Variants in GLRA2 observed in about 807,000 individuals in gnomAD.
GLRA2 encodes the protein glycine receptor alpha 2.
A neutral mutation model predicts 31.6 loss-of-function variants in GLRA2; 11 were observed. The observed-to-expected ratio is 0.35, with a 90% confidence interval of 0.22 to 0.58. The LOEUF is 0.58. GLRA2 is among the 20% of genes least tolerant of loss of function. GLRA2 has a pLI of 0.84. For missense variants in GLRA2, 212 were observed against 351.8 expected (o/e 0.60, Z 3.18); for synonymous variants, 132 against 134.0 (o/e 0.99, Z 0.10).
chrX:14,687,561 G>C (rs1025746963), intron 7 of GLRA2, among the ~76,000 whole-genome samples: 1 of 111,366 alleles, frequency 9.0e-6, no homozygotes, highest in African/African-American at 3.3e-5. Context: ...ATTTGATCTT[G>C]AATCACTGAT....
chrX:14,514,890 T>C, the GLRA2 span, among the ~76,000 whole-genome samples: 3 of 110,983 alleles, frequency 2.7e-5, no homozygotes, highest in Non-Finnish European at 5.7e-5. Flanking sequence ...TAAAATCTCA[T>C]TTTTTGCCTT....
Position 14,642,166 on chromosome X carries a change from A to G in GLRA2, c.930+32961A>G, listed in dbSNP as rs1459236028. Among the ~76,000 whole-genome samples the G allele has an allele frequency of 4.5e-5, 5 of 111,977 alleles. No individual in the cohort carries two copies. In the East Asian group the frequency reaches 1.4e-3, roughly 31 times the overall value. On this transcript the variant is annotated intron_variant, in intron 7 of 8. Coordinates refer to ENST00000218075, the MANE Select transcript of GLRA2 (RefSeq NM_002063.4). ...CCAGAGAAAGCAAGTCAAATGTGAC[A>G]GGAGAGGAAATTGCCTAAATAAGAG... is the stretch of plus-strand genomic sequence containing the variant.
At chrX:14,695,234 A>G (rs896964558) in intron 8 of GLRA2, among the ~76,000 whole-genome samples, 3 of 111,649 alleles carry the variant, frequency 2.7e-5, no homozygotes, top group African/African-American at 9.7e-5. Flanking sequence ...CAGAAAAAGG[A>G]ACAAAGGAAA....
chrX:14,504,998 C>A, the GLRA2 span, among the ~76,000 whole-genome samples: 4 of 111,831 alleles, frequency 3.6e-5, no homozygotes, highest in African/African-American at 1.3e-4. Context: ...GCAGTTACTT[C>A]AATTCACATG....
At chrX:14,711,967 C>T (rs1044365386) in intron 8 of GLRA2, among the ~76,000 whole-genome samples, 14 of 112,620 alleles carry the variant, frequency 1.2e-4, no homozygotes, top group Admixed American at 1.2e-3. Context: ...AAATCTTCCG[C>T]GATTAAGATG....
chrX:14,603,451 A>T (rs760450380), intron 4 of GLRA2, among the ~76,000 whole-genome samples: 2 of 111,571 alleles, frequency 1.8e-5, no homozygotes, highest in African/African-American at 3.3e-5. Context: ...AGGACACCCT[A>T]TTCAACAAAT....
chrX:14,512,771 A>C, the GLRA2 span, among the ~76,000 whole-genome samples: 2 of 111,942 alleles, frequency 1.8e-5, no homozygotes, highest in Non-Finnish European at 3.8e-5. Context: ...TAGATGACAC[A>C]AACAAATGGA....
chrX:14,594,281 C>G (rs2090177054), intron 4 of GLRA2, among the ~76,000 whole-genome samples: 1 of 111,049 alleles, frequency 9.0e-6, no homozygotes, highest in Non-Finnish European at 1.9e-5. Flanking sequence ...GTAAAATGAA[C>G]TCAAAACATT....
At chrX:14,704,639 C>A (rs932871906) in intron 8 of GLRA2, among the ~76,000 whole-genome samples, 1 of 111,610 alleles carries the variant, frequency 9.0e-6, no homozygotes, top group Non-Finnish European at 1.9e-5. Context: ...CAGCATCAGA[C>A]GCGAGTATAA....
the GLRA2 span, among the ~76,000 whole-genome samples, chrX:14,449,492 C>T: frequency 8.9e-6 from 1 of 112,616 alleles, no homozygotes; most frequent in Non-Finnish European, 1.9e-5. Context: ...CCAAGGCTCT[C>T]CATCTTGCTC....
the GLRA2 span, among the ~76,000 whole-genome samples, chrX:14,487,387 T>C: frequency 3.6e-5 from 1 of 27,946 alleles, no homozygotes; most frequent in East Asian, 1.1e-3. Context: ...TGGTTTTCTG[T>C]AAAAAAAAAA....
intron 3 of GLRA2, among the ~76,000 whole-genome samples, chrX:14,577,918 T>G (rs891565699): frequency 8.9e-6 from 1 of 112,026 alleles, no homozygotes; most frequent in Non-Finnish European, 1.9e-5. Flanking sequence ...TCAAAAAAAT[T>G]AAACAGAAAC....
Position 14,673,806 on chromosome X carries a change from T to A in GLRA2, c.931-16904T>A, listed in dbSNP as rs1011533883. On this transcript the variant is annotated intron_variant, in intron 7 of 8. Transcript: ENST00000218075. ...ACTAATTGCTGACTGAGAAAACAAA[T>A]GAAGATTGCGGTTATCTGCCATCTA... Among the ~76,000 whole-genome samples, 3 of 112,540 alleles carry A rather than the reference T, an allele frequency of 2.7e-5. No individual in the cohort carries two copies. In the East Asian group the frequency reaches 8.3e-4, roughly 31 times the overall value.
Position 14,706,844 on chromosome X carries a change from T to G in GLRA2, c.1080+15985T>G, listed in dbSNP as rs1196679704. The stretch of plus-strand genomic sequence containing the variant: ...TCTAAATAGTCATACAACTTCATTC[T>G]GGAAAGCACAAAATGCTTCAAATTA... On this transcript the variant is annotated intron_variant, in intron 8 of 8. Transcript: ENST00000218075. 2.7e-5 allele frequency among the ~76,000 whole-genome samples: 3 copies of G among 112,201 alleles called. No individual in the cohort carries two copies. In the Admixed American group the frequency reaches 2.8e-4, roughly 11 times the overall value.
intron 8 of GLRA2, among the ~76,000 whole-genome samples, chrX:14,722,723 C>T (rs2091881195): frequency 1.8e-5 from 2 of 111,463 alleles, no homozygotes; most frequent in African/African-American, 6.5e-5. Context: ...TTTGCCTTGC[C>T]AACATGCCAC....
chrX:14,622,419 A>G (rs187617687), intron 7 of GLRA2, among the ~76,000 whole-genome samples: 23 of 111,866 alleles, frequency 2.1e-4, no homozygotes, highest in Non-Finnish European at 1.9e-5. Flanking sequence ...TTGGTGTTTT[A>G]GTCATGAAGA....
intron 3 of GLRA2, among the ~76,000 whole-genome samples, chrX:14,577,469 C>T (rs2089969443): frequency 8.9e-6 from 1 of 112,601 alleles, no homozygotes; most frequent in South Asian, 3.7e-4. Flanking sequence ...TCTTAATTAG[C>T]TCAGGCTGTG....
the GLRA2 span, among the ~76,000 whole-genome samples, chrX:14,480,187 C>G: frequency 3.6e-5 from 4 of 112,025 alleles, no homozygotes; most frequent in Middle Eastern, 0.014. Flanking sequence ...CTGATCATAT[C>G]TTTGCCCATT....
chrX:14,452,885 G>T, the GLRA2 span, among the ~76,000 whole-genome samples: 1 of 111,738 alleles, frequency 8.9e-6, no homozygotes, highest in Non-Finnish European at 1.9e-5. Flanking sequence ...GGTTTTCCTC[G>T]CCTTTCTCAT....
Sources: gnomAD v4.1 joint callset for allele counts (sites outside exome capture counted in the v4.1 genomes callset) on GRCh38, gnomAD v4.1.1 for gene constraint, MANE v1.5 for transcripts, NCBI Gene and HGNC (gene_info 2026-07-23, HGNC 2026-07-21) for gene names.